POLE: variants seen among roughly 807,000 people sequenced by gnomAD.
The protein encoded by POLE is DNA polymerase epsilon, catalytic subunit, also known as DNA polymerase epsilon catalytic subunit A.
In POLE, 188 loss-of-function variants were observed where a neutral mutation model predicts 279.2. That is an observed-to-expected ratio of 0.67 (90% CI 0.60 to 0.76). The LOEUF (loss-of-function observed/expected upper bound fraction) is 0.76. Among genes scored for constraint, POLE ranks in the 30% least tolerant of loss-of-function variants. The pLI, the probability that POLE is intolerant of heterozygous loss-of-function variation, is 0.00. For missense variants in POLE, 2,703 were observed against 3,016.7 expected (o/e 0.90, Z 2.44); for synonymous variants, 1,214 against 1,172.5 (o/e 1.04, Z -0.72).
In POLE at chr12:132,632,740, T is replaced by C. The variant is rs760376006; in HGVS notation, c.6060A>G (p.Pro2020=). 2 of 1,613,192 alleles carry C rather than the reference T, an allele frequency of 1.2e-6. No individual in the cohort carries two copies. The highest frequency in any genetic ancestry group is 1.7e-6 in the Non-Finnish European group (2 of 1,179,768). The change falls in exon 44 of 49, where the codon CCA becomes CCG. Residue 2020 remains proline (P), a synonymous_variant. Transcript: ENST00000320574. The stretch of plus-strand genomic sequence containing the variant: ...CCCTCCTCCTCACGGGGGTGCTCCC[T>C]GGAGCACTGCGCCTCAGCCCGTCCT... ...CMKDGLRRSA[P]GSTPVRRRGA...
At chr12:132,630,826 T>C (rs4883627) in intron 45 of POLE, among the ~76,000 whole-genome samples, 100,292 of 152,096 alleles carry the variant, frequency 0.66, 33,685 homozygotes, top group East Asian at 0.8. Context: ...AACCCAATGA[T>C]ACCAAGTCCT....
At chr12:132,682,534 T>C (rs2043192368) in intron 1 of POLE, among the ~76,000 whole-genome samples, 1 of 152,072 alleles carries the variant, frequency 6.6e-6, no homozygotes, top group South Asian at 2.1e-4. Context: ...ATGGGTCGTC[T>C]CAATGTCAAT....
intron 40 of POLE, chr12:132,638,907 A>T (rs2042085406): frequency 8.7e-6 from 5 of 571,724 alleles, no homozygotes; most frequent in Non-Finnish European, 1.3e-5. Context: ...AAGGGGCAGG[A>T]GAGGAGGTGC....
chr12:132,648,806 A>T, intron 32 of POLE, 123 bp downstream of exon 32: 1 of 1,069,504 alleles, frequency 9.4e-7, no homozygotes, highest in Non-Finnish European at 1.3e-6. Context: ...CGTTGTTTTG[A>T]GGAATTCCTA....
rs1328375671 is a variant in POLE, at chr12:132,632,784, C to A, written c.6016G>T (p.Ala2006Ser). Residue 2006 changes from alanine to serine, a missense_variant, in exon 44 of 49, where the codon GCC (alanine) becomes TCC (serine). By Grantham distance (99) the Ala-to-Ser change is moderately conservative. Transcript: ENST00000320574. Reference protein sequence around the residue: ...FLMIVSAYIVAVYHCMKDGLR... With the variant: ...FLMIVSAYIVSVYHCMKDGLR... ...CCGTCCTTCATGCAGTGGTACACGG[C>A]CACGATGTACGCTGTGGAGAGGCAC... The A allele has an allele frequency of 1.2e-6, 2 of 1,607,828 alleles. No individual in the cohort carries two copies. Among genetic ancestry groups the A allele is most frequent in the Non-Finnish European group, 8.5e-7 (1 of 1,179,298 alleles).
In POLE at chr12:132,658,881, C is replaced by CAAAAAAAAAAAAAAAAAAAAA. The variant is rs1167117347; in HGVS notation, c.3275+393_3275+413dup. Among the ~76,000 whole-genome samples, 38 of 33,836 alleles carry CAAAAAAAAAAAAAAAAAAAAA rather than the reference C, an allele frequency of 1.1e-3. 9 individuals are homozygous for CAAAAAAAAAAAAAAAAAAAAA. The highest frequency in any genetic ancestry group is 1.9e-3 in the Non-Finnish European group (34 of 17,928). 22.2% of individuals were successfully genotyped at this position (33,836 alleles called of 152,430 possible). On this transcript the variant is annotated intron_variant, in intron 26 of 48. Transcript: ENST00000320574. Reference sequence around the variant, plus strand: ...ACTGGTCCTATTTGTATATAACCACCAAAAAAAAAAAAAAAAAAAAAAAAA... The same window carrying CAAAAAAAAAAAAAAAAAAAAA: ...ACTGGTCCTATTTGTATATAACCACCAAAAAAAAAAAAAAAAAAAAAAAAAAAAAAAAAAAAAAAAAAAAAA...
In POLE at chr12:132,642,892, GGT is replaced by G. The variant is rs1555222708; in HGVS notation, c.4654_4655del (p.Thr1552LeufsTer8). 6.2e-7 allele frequency: 1 copy of G among 1,613,908 alleles called. No individual in the cohort carries two copies. The highest frequency in any genetic ancestry group is 8.5e-7 in the Non-Finnish European group (1 of 1,179,946). On this transcript the variant is annotated frameshift_variant, in exon 36 of 49. Transcript: ENST00000320574. LOFTEE classifies it high-confidence loss of function. ...GGTCAGTTTCTGCCCGAACTTCGAA[GGT>G]GTGTTTGGGGGGTGGCAGGAGCTCA... ...GPELLPPPKH[T>X]FEVRAETDLK...
chr12:132,657,927 T>A lies in POLE; in HGVS notation c.3319A>T (p.Lys1107Ter), dbSNP rs772795963. The stretch of plus-strand genomic sequence containing the variant: ...TTGAGCCATTTCCGGAGAAAGTGCT[T>A]CCTCACCGTGGGCTCTGCTTGGAAA... ...AIFQAEPTVRKHFLRKWLKSS... is the reference protein window; with the variant it reads ...AIFQAEPTVR Residue 1107 changes from lysine to a stop codon, truncating the protein, a stop_gained, in exon 27 of 49, where the codon AAG becomes TAG. Transcript: ENST00000320574. LOFTEE classifies it high-confidence loss of function. The A allele has an allele frequency of 6.2e-7, 1 of 1,614,160 alleles. No individual in the cohort carries two copies. Among genetic ancestry groups the A allele is most frequent in the East Asian group, 2.2e-5 (1 of 44,878 alleles).
intron 30 of POLE, 55 bp downstream of exon 30, chr12:132,649,622 C>T: frequency 6.2e-7 from 1 of 1,606,528 alleles, no homozygotes; most frequent in Admixed American, 1.7e-5. Context: ...ATCTCGGGCT[C>T]CCTGGGCTGT....
chr12:132,659,351 C>T lies in POLE; in HGVS notation c.3219G>A (p.Gly1073=), dbSNP rs760636704. Residue 1073 remains glycine, a synonymous_variant, in exon 26 of 49, where the codon GGG becomes GGA. Transcript: ENST00000320574. ...GGGAGATGATGTAGCGGCAACTCAG[C>T]CCTGCATCCTTGACCATCTGGTCTC... The part of the protein sequence containing the change: ...FLGDQMVKDA[G]LSCRYIISRK... 6.2e-7 allele frequency: 1 copy of T among 1,614,224 alleles called. No individual in the cohort carries two copies. The highest frequency in any genetic ancestry group is 8.5e-7 in the Non-Finnish European group (1 of 1,180,048).
At position 132,661,195 on chromosome 12, in the gene POLE, G is replaced by A. The variant is rs2042673687; in HGVS notation, c.2865-31C>T. 1.3e-6 allele frequency: 2 copies of A among 1,554,106 alleles called. No homozygotes were observed. The highest frequency in any genetic ancestry group is 2.8e-5 in the African/African-American group (2 of 71,934). On this transcript the variant is annotated intron_variant, in intron 24 of 48. Transcript: ENST00000320574. This position sits in a 1 kb window ranked among gnomAD's most constrained non-coding sequence, Gnocchi z 4.1. ...AAAAAAAAAAAAGGCAAGCACAGCA[G>A]TGGCAAGGAGCGCTGGGGAGCCACC...
At chr12:132,665,260 C>CG in intron 21 of POLE, 42 bp downstream of exon 21, 1 of 1,597,082 alleles carries the variant, frequency 6.3e-7, no homozygotes, top group Non-Finnish European at 8.6e-7. Flanking sequence ...GTGGACTCAT[C>CG]CATTCCTCCC....
chr12:132,625,190 C>T, intron 47 of POLE, 196 bp from the exon 48 acceptor site: 8 of 689,972 alleles, frequency 1.2e-5, no homozygotes, highest in Non-Finnish European at 2.1e-5. Context: ...CTACACCCAC[C>T]CTCGCTGTGG....
intron 6 of POLE, among the ~76,000 whole-genome samples, chr12:132,678,730 T>C (rs2043108648): frequency 6.6e-6 from 1 of 152,232 alleles, no homozygotes; most frequent in South Asian, 2.1e-4. Flanking sequence ...AGCCTGTGCA[T>C]GGGTCTCTGC....
intron 1 of POLE, 97 bp from the exon 2 acceptor site, chr12:132,681,376 C>T (rs2043165730): frequency 2.3e-6 from 3 of 1,313,820 alleles, no homozygotes; most frequent in Non-Finnish European, 3.1e-6. Context: ...CGGAGTCTTG[C>T]TCTGTCGCCT....
intron 29 of POLE, among the ~76,000 whole-genome samples, chr12:132,655,991 C>T (rs922883778): frequency 1.3e-5 from 2 of 151,340 alleles, no homozygotes; most frequent in Non-Finnish European, 2.9e-5. Context: ...GGTGAAACCC[C>T]GTCTCTACTA....
chr12:132,628,318 C>A (rs1325765898), intron 45 of POLE, among the ~76,000 whole-genome samples: 1 of 150,232 alleles, frequency 6.7e-6, no homozygotes, highest in Non-Finnish European at 1.5e-5. Context: ...CCAGCCTGGG[C>A]GAGAGTGCGA....
At chr12:132,680,310 A>G in intron 3 of POLE, 88 bp from the exon 4 acceptor site, 2 of 1,263,294 alleles carry the variant, frequency 1.6e-6, no homozygotes, top group South Asian at 2.4e-5. Context: ...CCTATATCCC[A>G]TGAACAGCCT....
intron 29 of POLE, among the ~76,000 whole-genome samples, chr12:132,652,742 C>T (rs1321839554): frequency 2.0e-5 from 3 of 152,156 alleles, no homozygotes; most frequent in Admixed American, 1.3e-4. Flanking sequence ...TACCAACTTC[C>T]GACTAACAGG....
Sources: gnomAD v4.1 joint callset for allele counts (sites outside exome capture counted in the v4.1 genomes callset) on GRCh38, gnomAD v4.1.1 for gene constraint, Gnocchi (gnomAD v3.1) non-coding constraint, MANE v1.5 for transcripts, NCBI Gene and HGNC (gene_info 2026-07-23, HGNC 2026-07-21) for gene names.